DNM1: variants seen among roughly 807,000 people sequenced by gnomAD.
DNM1 encodes dynamin 1, also known as dynamin-1.
In DNM1, 29 loss-of-function variants were observed where a neutral mutation model predicts 104.6. The observed-to-expected ratio is 0.28, with a 90% CI of 0.21 to 0.38. The LOEUF (loss-of-function observed/expected upper bound fraction) is 0.38. Ranked by LOEUF, DNM1 falls within the 10% of genes least tolerant of loss-of-function variation. The pLI is 1.00. For missense variants in DNM1, 640 were observed against 1,189.4 expected, an observed-to-expected ratio of 0.54 and a Z score of 6.79; for synonymous variants, 445 against 475.8, an observed-to-expected ratio of 0.94 and a Z score of 0.84.
Position 128,222,067 on chromosome 9 carries a change from CG to C in DNM1, c.850-127del. ...TGAACCAGTTTTCTTGCTAGTGGCC[CG>C]GGCAGCAGTGGCAGGGCTGCCCTCC... On this transcript the variant is annotated intron_variant, in intron 6 of 21. Coordinates refer to ENST00000372923, the MANE Select transcript of DNM1 (RefSeq NM_004408.4). This position sits in a 1 kb window ranked among gnomAD's most constrained non-coding sequence, Gnocchi z 7.8. 9.0e-7 allele frequency: 1 copy of C among 1,105,942 alleles called. No individual in the cohort carries two copies. Among genetic ancestry groups the C allele is most frequent in the Non-Finnish European group, 1.3e-6 (1 of 781,176 alleles). 68.5% of individuals were successfully genotyped at this position (1,105,942 alleles called of 1,614,324 possible).
At chr9:128,210,066 G>C (rs1017200087) in intron 1 of DNM1, among the ~76,000 whole-genome samples, 5 of 151,148 alleles carry the variant, frequency 3.3e-5, no homozygotes, top group African/African-American at 4.9e-5. Flanking sequence ...TGTTTTGTAA[G>C]ACAGGATCTC....
chr9:128,247,445 G>T lies in DNM1; in HGVS notation c.1852G>T (p.Ala618Ser), dbSNP rs1836895675. Residue 618 changes from alanine (A) to serine (S), a missense_variant, in exon 17 of 22, where the codon GCC becomes TCC. Coordinates refer to ENST00000372923, the MANE Select transcript of DNM1 (RefSeq NM_004408.4). The surrounding 1 kb of genome is among the most constrained non-coding windows in gnomAD (Gnocchi z 5.1). ...ACAGGAGGAGGTGGACAGCTGGAAG[G>T]CCTCCTTCCTGAGGGCTGGCGTGTA... ...ETQEEVDSWKASFLRAGVYPE... is the reference protein window; with the variant it reads ...ETQEEVDSWKSSFLRAGVYPE... 2.5e-6 allele frequency: 4 copies of T among 1,613,710 alleles called. No homozygotes were observed. Among genetic ancestry groups the T allele is most frequent in the Non-Finnish European group, 2.5e-6 (3 of 1,179,710 alleles).
Position 128,254,567 on chromosome 9 carries a change from GGCCCCGGCCGTGTGCT to G in DNM1, c.2535-84_2535-69del. 1 of 1,421,986 alleles carries G rather than the reference GGCCCCGGCCGTGTGCT, an allele frequency of 7.0e-7. No individual in the cohort carries two copies. The highest frequency in any genetic ancestry group is 9.3e-7 in the Non-Finnish European group (1 of 1,070,040). The allele number at this position is 1,421,986 out of a possible 1,614,324, so 88.1% of individuals were successfully genotyped here. ...CTCCCACCACTGCTGCGGCGCGGCC[GGCCCCGGCCGTGTGCT>G]GCGCTTGCCTTACCAGCTCTCTCCT... On this transcript the variant is annotated intron_variant, in intron 21 of 21. Coordinates refer to ENST00000372923, the MANE Select transcript of DNM1 (RefSeq NM_004408.4). This position sits in a 1 kb window ranked among gnomAD's most constrained non-coding sequence, Gnocchi z 6.1.
intron 11 of DNM1, among the ~76,000 whole-genome samples, chr9:128,238,829 G>A (rs1240194491): frequency 6.7e-6 from 1 of 149,234 alleles, no homozygotes; most frequent in Non-Finnish European, 1.5e-5. Context: ...CTAATTTTTT[G>A]TATTTTTAGT....
chr9:128,236,396 G>A (rs1046053896), intron 11 of DNM1, among the ~76,000 whole-genome samples: 9 of 152,064 alleles, frequency 5.9e-5, no homozygotes, highest in African/African-American at 2.2e-4. Context: ...TGTTTTTGTT[G>A]TTGATGTCAT....
chr9:128,232,164 CCCT>C (rs1835734725), intron 10 of DNM1: 5 of 404,058 alleles, frequency 1.2e-5, no homozygotes, highest in Admixed American at 2.6e-5. Flanking sequence ...GCAAATTGCG[CCCT>C]CCTCCTCCCT....
chr9:128,239,919 G>T, intron 13 of DNM1, 66 bp from the exon 14 acceptor site: 1 of 1,604,650 alleles, frequency 6.2e-7, no homozygotes. Context: ...CTCCCACTCT[G>T]CCTCAGTAAC....
At chr9:128,251,071 G>C (rs1325341712) in intron 21 of DNM1, 131 bp downstream of exon 21, 2 of 701,852 alleles carry the variant, frequency 2.8e-6, no homozygotes, top group Non-Finnish European at 4.9e-6. Flanking sequence ...ATCGGACTCT[G>C]GGTGCCGGAG....
rs1836916612 is a variant in DNM1 at position 128,247,774 on chromosome 9, A to G, written c.1894-150A>G. 1 of 1,051,850 alleles carries G rather than the reference A, an allele frequency of 9.5e-7. No homozygotes were observed. The highest frequency in any genetic ancestry group is 1.4e-6 in the Non-Finnish European group (1 of 712,586). 65.2% of individuals were successfully genotyped at this position (1,051,850 alleles called of 1,614,324 possible). A position where few individuals can be genotyped will look rare whatever the true frequency, so the allele number is the denominator to read the frequency against. On this transcript the variant is annotated intron_variant, in intron 17 of 21. Coordinates refer to ENST00000372923, the MANE Select transcript of DNM1 (RefSeq NM_004408.4). This position sits in a 1 kb window ranked among gnomAD's most constrained non-coding sequence, Gnocchi z 5.1. ...GTGACTGCCTTCTCTTTTCTCCCCT[A>G]TTTCACTGTGGCGATGTCTAGAGTA...
Position 128,203,565 on chromosome 9 carries a change from C to T in DNM1, c.95C>T (p.Pro32Leu), listed in dbSNP as rs1833619327. The T allele has an allele frequency of 6.4e-7, 1 of 1,551,314 alleles. No homozygotes were observed. The highest frequency in any genetic ancestry group is 8.7e-7 in the Non-Finnish European group (1 of 1,152,114). Reference protein sequence around the residue: ...AIGQNADLDLPQIAVVGGQSA... With the variant: ...AIGQNADLDLLQIAVVGGQSA... ...GGCCAGAACGCGGACCTCGACCTGC[C>T]GCAGATCGCTGTGGTGGGCGGCCAG... The change falls in exon 1 of 22, where the codon CCG becomes CTG. Residue 32 changes from proline (P) to leucine (L), a missense_variant. This residue lies in a region of DNM1 where 172 missense variants were observed against 335.3 expected (regional missense o/e 0.51). Coordinates refer to ENST00000372923, the MANE Select transcript of DNM1 (RefSeq NM_004408.4). This position sits in a 1 kb window ranked among gnomAD's most constrained non-coding sequence, Gnocchi z 5.3.
chr9:128,249,067 C>A (rs1419981261), intron 19 of DNM1, among the ~76,000 whole-genome samples: 1 of 151,808 alleles, frequency 6.6e-6, no homozygotes, highest in Non-Finnish European at 1.5e-5. Context: ...GTAGCGTGAG[C>A]CTGTAATTGC....
intron 10 of DNM1, among the ~76,000 whole-genome samples, chr9:128,229,241 T>C (rs1835521995): frequency 6.6e-6 from 1 of 150,520 alleles, no homozygotes; most frequent in South Asian, 2.1e-4. Context: ...AATTTTTTTT[T>C]TTAATTAGCC....
rs922417648 is a variant in DNM1 at position 128,220,746 on chromosome 9, T to A, written c.849+405T>A. Among the ~76,000 whole-genome samples the A allele has an allele frequency of 2.2e-5, 2 of 92,560 alleles. No homozygotes were observed. Among genetic ancestry groups the A allele is most frequent in the Non-Finnish European group, 5.4e-5 (2 of 36,784 alleles). The allele number at this position is 92,560 out of a possible 152,430, so 60.7% of individuals were successfully genotyped here. ...ACTGAAGTGCGCGCGCGCGCGCGTG[T>A]GTGTGTGTGTGTGTGTGTGTGTCTG... On this transcript the variant is annotated intron_variant, in intron 6 of 21. Transcript: ENST00000372923. This position sits in a 1 kb window ranked among gnomAD's most constrained non-coding sequence, Gnocchi z 5.2.
intron 1 of DNM1, among the ~76,000 whole-genome samples, chr9:128,209,101 G>A (rs1834142131): frequency 6.6e-6 from 1 of 152,158 alleles, no homozygotes; most frequent in Non-Finnish European, 1.5e-5. Context: ...CTGGAGAGCT[G>A]CCACACTCTG....
At position 128,220,299 on chromosome 9, in the gene DNM1, T is replaced by C. The variant is rs1261949821; in HGVS notation, c.807T>C (p.Ala269=). The part of the protein sequence containing the change: ...FLSHPSYRHL[A]DRMGTPYLQK... Reference sequence around the variant, plus strand: ...CCCATCCATCTTATCGCCACTTGGCTGACCGTATGGGCACGCCCTACCTGC... The same window carrying C: ...CCCATCCATCTTATCGCCACTTGGCCGACCGTATGGGCACGCCCTACCTGC... Residue 269 remains alanine (A), a synonymous_variant, in exon 6 of 22, where the codon GCT becomes GCC. Coordinates refer to ENST00000372923, the MANE Select transcript of DNM1 (RefSeq NM_004408.4). This position sits in a 1 kb window ranked among gnomAD's most constrained non-coding sequence, Gnocchi z 5.2. The C allele has an allele frequency of 5.0e-6, 8 of 1,614,216 alleles. No individual in the cohort carries two copies. The highest frequency in any genetic ancestry group is 6.8e-6 in the Non-Finnish European group (8 of 1,180,044).
intron 1 of DNM1, among the ~76,000 whole-genome samples, chr9:128,212,035 C>T (rs1214098384): frequency 6.6e-6 from 1 of 152,202 alleles, no homozygotes. Flanking sequence ...CGGGTGAATG[C>T]ACCCTCACCC....
In DNM1 at chr9:128,254,744, C is replaced by T. The variant is rs751662330; in HGVS notation, c.*30C>T. 1 of 1,585,564 alleles carries T rather than the reference C, an allele frequency of 6.3e-7. No individual in the cohort carries two copies. The highest frequency in any genetic ancestry group is 1.7e-5 in the Admixed American group (1 of 59,848). ...ATCCCTCCTCTTCTCGGAGACCTCC[C>T]TTTCCAAGCCTGCCTGGACGGCTGT... On this transcript the variant is annotated 3_prime_UTR_variant, in exon 22 of 22. Coordinates refer to ENST00000372923, the MANE Select transcript of DNM1 (RefSeq NM_004408.4). The surrounding 1 kb of genome is among the most constrained non-coding windows in gnomAD (Gnocchi z 6.1).
intron 10 of DNM1, among the ~76,000 whole-genome samples, chr9:128,225,692 G>A (rs1835298546): frequency 6.6e-6 from 1 of 152,138 alleles, no homozygotes; most frequent in African/African-American, 2.4e-5. Context: ...GTGAGGCCGA[G>A]GAGCAGGGGA....
rs748791062 is a variant in DNM1, at chr9:128,254,910, T to G, written c.*196T>G. On this transcript the variant is annotated 3_prime_UTR_variant, in exon 22 of 22. Transcript: ENST00000372923. The surrounding 1 kb of genome is among the most constrained non-coding windows in gnomAD (Gnocchi z 6.1). Reference sequence around the variant, plus strand: ...CCCCTTCTGTGGTATGCCCTTGCCCTGTTCTATAAATATCTATAAATACTC... The same window carrying G: ...CCCCTTCTGTGGTATGCCCTTGCCCGGTTCTATAAATATCTATAAATACTC... 2.6e-4 allele frequency: 149 copies of G among 569,000 alleles called. No individual in the cohort carries two copies. Among genetic ancestry groups the G allele is most frequent in the Non-Finnish European group, 4.3e-4 (141 of 324,382 alleles). The allele number at this position is 569,000 out of a possible 1,614,324, so 35.2% of individuals were successfully genotyped here. A position where few individuals can be genotyped will look rare whatever the true frequency, so the allele number is the denominator to read the frequency against.
Sources: allele counts gnomAD v4.1 joint callset (sites outside exome capture counted in the v4.1 genomes callset), GRCh38; gene constraint gnomAD v4.1.1; regional missense constraint gnomAD v4.1.1; non-coding constraint Gnocchi (gnomAD v3.1); transcripts MANE v1.5; gene names NCBI Gene and HGNC (gene_info 2026-07-23, HGNC 2026-07-21).